Variants in CDH23 observed in about 807,000 individuals in gnomAD.
The protein encoded by CDH23 is cadherin-23.
Under a neutral mutation model 317.1 loss-of-function variants are expected in CDH23, and 189 were observed. That is an observed-to-expected ratio of 0.60 (90% CI 0.53 to 0.67). The LOEUF (loss-of-function observed/expected upper bound fraction) is 0.67, where lower values mean the gene tolerates loss of function less well. Among genes scored for constraint, CDH23 ranks in the 30% least tolerant of loss-of-function variants. CDH23 has a pLI of 0.00. For missense variants in CDH23, 4,401 were observed against 4,592.4 expected, an observed-to-expected ratio of 0.96 and a Z score of 1.20; for synonymous variants, 1,839 against 1,876.8, an observed-to-expected ratio of 0.98 and a Z score of 0.52.
intron 38 of CDH23, chr10:71,750,946 A>T: frequency 3.0e-6 from 1 of 330,750 alleles, no homozygotes; most frequent in Non-Finnish European, 5.5e-6. Flanking sequence ...GAGCTGCTGA[A>T]GGGCTGGACG....
At chr10:71,734,394 A>T in intron 33 of CDH23, 53 bp downstream of exon 33, 1 of 1,544,594 alleles carries the variant, frequency 6.5e-7, no homozygotes, top group Non-Finnish European at 8.8e-7. Flanking sequence ...GCTGGCCATG[A>T]CACTTCCTAA....
chr10:71,420,524 G>GTGA (rs1227240365), intron 1 of CDH23, among the ~76,000 whole-genome samples: 223 of 20,362 alleles, frequency 0.011, 1 homozygote, highest in Non-Finnish European at 0.026. Flanking sequence ...GATGGTGAAG[G>GTGA]TGATGATGAT....
At chr10:71,744,703 G>A (rs1839814291) in intron 38 of CDH23, among the ~76,000 whole-genome samples, 1 of 152,134 alleles carries the variant, frequency 6.6e-6, no homozygotes, top group South Asian at 2.1e-4. Context: ...CATCCGCCCT[G>A]CTCATCCTGG....
At chr10:71,403,389 T>TTC (rs1491305578) in intron 1 of CDH23, among the ~76,000 whole-genome samples, 1 of 113,404 alleles carries the variant, frequency 8.8e-6, no homozygotes, top group Non-Finnish European at 1.7e-5. Context: ...CTTTCTTTCT[T>TTC]TCTTTCTTTC....
intron 60 of CDH23, among the ~76,000 whole-genome samples, chr10:71,808,441 T>C (rs1011750928): frequency 2.0e-5 from 3 of 152,152 alleles, no homozygotes; most frequent in Non-Finnish European, 2.9e-5. Context: ...CTCCCTCCCA[T>C]AATATCTGCC....
In CDH23 at chr10:71,675,120, C is replaced by T. The variant is rs558084866; in HGVS notation, c.1458C>T (p.Asp486=). 2 of 1,613,958 alleles carry T rather than the reference C, an allele frequency of 1.2e-6. No individual in the cohort carries two copies. The highest frequency in any genetic ancestry group is 2.7e-5 in the African/African-American group (2 of 75,060). ...TGTTCTCGCTGTTGCAGGCAACTGA[C>T]AATGATGCAGGCACCTTTGGGGAAG... ...GTSVLTVLAT[D]NDAGTFGEVS... Residue 486 remains aspartate (D), a synonymous_variant, in exon 15 of 70, where the codon GAC becomes GAT. Coordinates refer to ENST00000224721, the MANE Select transcript of CDH23 (RefSeq NM_022124.6).
At chr10:71,434,852 TGAGATGCCAACAGC>T (rs1849549169) in intron 1 of CDH23, among the ~76,000 whole-genome samples, 1 of 152,104 alleles carries the variant, frequency 6.6e-6, no homozygotes, top group African/African-American at 2.4e-5. Flanking sequence ...GCAATGCGTG[TGAGATGCCAACAGC>T]CTGGGAGGGC....
rs1360076892 is a variant in CDH23, at chr10:71,570,902, A to G, written c.737A>G (p.Tyr246Cys). 1 of 1,613,938 alleles carries G rather than the reference A, an allele frequency of 6.2e-7. No homozygotes were observed. Among genetic ancestry groups the G allele is most frequent in the Admixed American group, 1.7e-5 (1 of 60,020 alleles). Reference protein sequence around the residue: ...FINLPYSTNIYEHSPPGTTVR... With the variant: ...FINLPYSTNICEHSPPGTTVR... ...AACCTGCCTTACAGCACCAACATCT[A>G]CGAGCATTCTCCTCCGGTAAGACTC... The change falls in exon 8 of 70, where the codon TAC (tyrosine) becomes TGC (cysteine). Residue 246 changes from tyrosine to cysteine, a missense_variant. Tyr to Cys is a radical substitution (Grantham distance 194, BLOSUM62 -2). This residue lies in a region of CDH23 where 3,068 missense variants were observed against 3,203.3 expected (regional missense o/e 0.96). Coordinates refer to ENST00000224721, the MANE Select transcript of CDH23 (RefSeq NM_022124.6).
intron 20 of CDH23, among the ~76,000 whole-genome samples, chr10:71,693,037 G>A (rs1477060001): frequency 2.0e-5 from 3 of 152,210 alleles, no homozygotes; most frequent in African/African-American, 7.2e-5. Flanking sequence ...TCTGGGAAGG[G>A]CCATAATCAG....
Position 71,460,586 on chromosome 10 carries a change from G to A in CDH23, c.145+14191G>A, listed in dbSNP as rs1008241078. Among the ~76,000 whole-genome samples, 6 of 152,264 alleles carry A rather than the reference G, an allele frequency of 3.9e-5. No homozygotes were observed. In the South Asian group the frequency reaches 6.2e-4, roughly 16 times the overall value. ...CTCTCTGGAGAAACCCTATGTTGTAGATAACTCAGGCCTGACGGGCCAGGA... is the reference window on the plus strand; with the variant it reads ...CTCTCTGGAGAAACCCTATGTTGTAAATAACTCAGGCCTGACGGGCCAGGA... On this transcript the variant is annotated intron_variant, in intron 3 of 69. Transcript: ENST00000224721.
At chr10:71,743,903 C>T (rs1278689391) in intron 38 of CDH23, among the ~76,000 whole-genome samples, 1 of 152,164 alleles carries the variant, frequency 6.6e-6, no homozygotes, top group Non-Finnish European at 1.5e-5. Context: ...CTCATGGTGG[C>T]AAGATAGCTA....
At chr10:71,770,476 T>C (rs547955029) in intron 38 of CDH23, among the ~76,000 whole-genome samples, 2 of 152,192 alleles carry the variant, frequency 1.3e-5, no homozygotes, top group African/African-American at 4.8e-5. Flanking sequence ...CTTTGCCATA[T>C]ACAGGCATGC....
chr10:71,461,326 A>T (rs758981677), intron 3 of CDH23, among the ~76,000 whole-genome samples: 1 of 152,212 alleles, frequency 6.6e-6, no homozygotes, highest in Non-Finnish European at 1.5e-5. Flanking sequence ...GGGACTTGGC[A>T]TGGGGTGTGG....
chr10:71,792,162 A>C (rs1473701171), intron 47 of CDH23, among the ~76,000 whole-genome samples: 1 of 152,164 alleles, frequency 6.6e-6, no homozygotes, highest in Non-Finnish European at 1.5e-5. Context: ...TGATGTGATA[A>C]AGGAAGCAAT....
At chr10:71,645,532 A>G (rs1470602300) in intron 12 of CDH23, 3 of 547,532 alleles carry the variant, frequency 5.5e-6, no homozygotes, top group South Asian at 4.6e-5. Flanking sequence ...TCACTGGGAC[A>G]GAGAAAGGGA....
In CDH23 at chr10:71,811,431, T is replaced by C. The variant is rs1213198804; in HGVS notation, c.9194T>C (p.Leu3065Pro). Residue 3065 changes from leucine (L) to proline (P), a missense_variant, in exon 63 of 70, where the codon CTG becomes CCG. Coordinates refer to ENST00000224721, the MANE Select transcript of CDH23 (RefSeq NM_022124.6). ...CGGCTGCCGGATGACATGTCTGCCCTGCAGGTACCCGGCGACCGTGCCCCA... is the reference window on the plus strand; with the variant it reads ...CGGCTGCCGGATGACATGTCTGCCCCGCAGGTACCCGGCGACCGTGCCCCA... Reference protein sequence around the residue: ...SVRLPDDMSALQMAIIVLAIL... With the variant: ...SVRLPDDMSAPQMAIIVLAIL... 1.1e-5 allele frequency: 17 copies of C among 1,613,870 alleles called. No individual in the cohort carries two copies. The highest frequency in any genetic ancestry group is 2.2e-5 in the East Asian group (1 of 44,886).
chr10:71,755,390 G>T (rs779562040), intron 38 of CDH23: 1 of 1,613,290 alleles, frequency 6.2e-7, no homozygotes, highest in South Asian at 1.1e-5. Context: ...TTTGCTTGTA[G>T]ACCAGGAGCA....
intron 6 of CDH23, among the ~76,000 whole-genome samples, chr10:71,543,233 G>A (rs1160882088): frequency 6.6e-6 from 1 of 152,224 alleles, no homozygotes; most frequent in African/African-American, 2.4e-5. Context: ...CTGGAGCAGG[G>A]CTTTCACTTC....
chr10:71,811,836 C>A (rs2133003544), intron 65 of CDH23, 83 bp downstream of exon 65: 1 of 1,576,938 alleles, frequency 6.3e-7, no homozygotes, highest in East Asian at 2.3e-5. Flanking sequence ...ACAAGCCTGG[C>A]TCAGGCCCTT....
Sources: gnomAD v4.1 joint callset for allele counts (sites outside exome capture counted in the v4.1 genomes callset) on GRCh38, gnomAD v4.1.1 for gene constraint, gnomAD v4.1.1 regional missense constraint, MANE v1.5 for transcripts, NCBI Gene and HGNC (gene_info 2026-07-23, HGNC 2026-07-21) for gene names.